AGBL1: variants seen among roughly 807,000 people sequenced by gnomAD.
AGBL1 encodes cytosolic carboxypeptidase 4.
In AGBL1, 130 loss-of-function variants were observed where a neutral mutation model predicts 118.9. That is an observed-to-expected ratio of 1.09 (90% CI 0.95 to 1.26). The LOEUF is 1.26. Ranked by LOEUF, AGBL1 falls within the 50% of genes most tolerant of loss-of-function variation. AGBL1 has a pLI of 0.00. For synonymous variants in AGBL1, 555 were observed against 478.9 expected (o/e 1.16, Z -2.08); for missense variants, 1,584 against 1,298.1 (o/e 1.22, Z -3.38).
intron 17 of AGBL1, among the ~76,000 whole-genome samples, chr15:86,328,270 C>CA (rs2080216279): frequency 2.0e-5 from 3 of 152,096 alleles, no homozygotes; most frequent in South Asian, 2.1e-4. Context: ...CCTAACTTAA[C>CA]AATTATAAAT....
rs1567219535 is a variant in AGBL1, at chr15:86,365,008, T to TAC, written c.2375-32350_2375-32349dup. 2.1e-4 allele frequency among the ~76,000 whole-genome samples: 24 copies of TAC among 116,828 alleles called. No individual in the cohort carries two copies. The South Asian group carries it at 4.3e-3, about 21-fold the overall frequency. 76.6% of individuals were successfully genotyped at this position (116,828 alleles called of 152,430 possible). On this transcript the variant is annotated intron_variant, in intron 17 of 22. Transcript: ENST00000614907. ...ATATATACACACACACATATATATA[T>TAC]ACACACACATATATATATACACACA...
At chr15:86,467,701 T>C (rs2082424934) in intron 18 of AGBL1, among the ~76,000 whole-genome samples, 1 of 152,206 alleles carries the variant, frequency 6.6e-6, no homozygotes, top group South Asian at 2.1e-4. Flanking sequence ...ACACAGTATT[T>C]CAGGGCTTCC....
At chr15:86,928,486 A>G (rs2080570329) in intron 23 of AGBL1, among the ~76,000 whole-genome samples, 1 of 152,212 alleles carries the variant, frequency 6.6e-6, no homozygotes, top group African/African-American at 2.4e-5. Flanking sequence ...CTGGTGAGCT[A>G]ATATGGACTG....
chr15:86,353,177 T>G (rs1289688913), intron 17 of AGBL1, among the ~76,000 whole-genome samples: 2 of 152,206 alleles, frequency 1.3e-5, no homozygotes, highest in Non-Finnish European at 1.5e-5. Context: ...TACCATGCTT[T>G]GCAGAAAAGC....
chr15:86,783,896 G>A (rs1236310041), intron 22 of AGBL1, among the ~76,000 whole-genome samples: 2 of 152,182 alleles, frequency 1.3e-5, no homozygotes, highest in African/African-American at 4.8e-5. Flanking sequence ...CTCCCAAAGT[G>A]CTGGGATTAC....
chr15:86,454,888 C>T (rs1267843162), intron 18 of AGBL1, among the ~76,000 whole-genome samples: 2 of 152,002 alleles, frequency 1.3e-5, no homozygotes, highest in Non-Finnish European at 2.9e-5. Context: ...TAAATTAAAC[C>T]TCAATAATGT....
At chr15:86,289,517 T>C (rs2079511308) in intron 16 of AGBL1, among the ~76,000 whole-genome samples, 1 of 152,180 alleles carries the variant, frequency 6.6e-6, no homozygotes, top group South Asian at 2.1e-4. Context: ...TAGGTAATGA[T>C]GTTTTTATGT....
Position 86,930,751 on chromosome 15 carries a change from G to C in AGBL1, c.3222-57236G>C, listed in dbSNP as rs1471130957. Among the ~76,000 whole-genome samples, 4 of 152,164 alleles carry C rather than the reference G, an allele frequency of 2.6e-5. No homozygotes were observed. The East Asian group carries it at 7.7e-4, about 29-fold the overall frequency. On this transcript the variant is annotated intron_variant, in intron 23 of 24. Transcript: ENST00000441037. ...GAGATAGATCAGGGATCCCTCTTAGGGGCCTGCCAGCCCCTGAACCATAGA... is the reference window on the plus strand; with the variant it reads ...GAGATAGATCAGGGATCCCTCTTAGCGGCCTGCCAGCCCCTGAACCATAGA...
At chr15:86,558,620 G>A (rs1480960913) in intron 21 of AGBL1, among the ~76,000 whole-genome samples, 1 of 152,102 alleles carries the variant, frequency 6.6e-6, no homozygotes, top group East Asian at 1.9e-4. Context: ...TTTCAAAAAG[G>A]CTTAGATTAT....
intron 21 of AGBL1, among the ~76,000 whole-genome samples, chr15:86,608,904 G>A (rs2084620930): frequency 6.6e-6 from 1 of 152,194 alleles, no homozygotes; most frequent in Non-Finnish European, 1.5e-5. Flanking sequence ...GGGCTTCCAA[G>A]TTGGTGATTT....
At position 86,776,832 on chromosome 15, in the gene AGBL1, T is replaced by C. The variant is rs1380879785; in HGVS notation, c.3158+102396T>C. Among the ~76,000 whole-genome samples, 7 of 151,232 alleles carry C rather than the reference T, an allele frequency of 4.6e-5. No individual in the cohort carries two copies. The East Asian group carries it at 1.2e-3, about 25-fold the overall frequency. On this transcript the variant is annotated intron_variant, in intron 22 of 22. Transcript: ENST00000614907. The stretch of plus-strand genomic sequence containing the variant: ...AAGGGGAATTTGTTAATAAAACAGG[T>C]TTTTTTAAAAAATCAACTTTTAGAC...
intron 18 of AGBL1, among the ~76,000 whole-genome samples, chr15:86,443,626 C>T (rs78558034): frequency 0.056 from 8,583 of 152,166 alleles, 296 homozygotes; most frequent in East Asian, 0.15. Context: ...TCCCAGCCTC[C>T]GGTAACTGCT....
intron 17 of AGBL1, among the ~76,000 whole-genome samples, chr15:86,373,038 C>T (rs917143975): frequency 1.1e-4 from 17 of 152,234 alleles, no homozygotes; most frequent in African/African-American, 2.2e-4. Flanking sequence ...GTTTCTGGCA[C>T]GTAATGAAAT....
At chr15:86,347,941 C>A (rs1049835786) in intron 17 of AGBL1, among the ~76,000 whole-genome samples, 1 of 152,186 alleles carries the variant, frequency 6.6e-6, no homozygotes, top group Non-Finnish European at 1.5e-5. Flanking sequence ...TACATTTCTT[C>A]TTCTTTTTTT....
chr15:86,733,755 A>G (rs1372592209), intron 22 of AGBL1, among the ~76,000 whole-genome samples: 1 of 152,106 alleles, frequency 6.6e-6, no homozygotes, highest in Non-Finnish European at 1.5e-5. Context: ...AAATTCAAAG[A>G]TCTTCTCCCA....
intron 21 of AGBL1, among the ~76,000 whole-genome samples, chr15:86,637,606 G>A (rs1484128551): frequency 6.6e-6 from 1 of 152,212 alleles, no homozygotes. Context: ...ATTGGAAGCA[G>A]AAAGCAGTAC....
At chr15:86,345,859 T>G (rs1487813562) in intron 17 of AGBL1, among the ~76,000 whole-genome samples, 1 of 152,200 alleles carries the variant, frequency 6.6e-6, no homozygotes, top group East Asian at 1.9e-4. Context: ...CATTGGCATT[T>G]TAATAGGTTG....
chr15:86,472,567 A>G (rs944301035), intron 18 of AGBL1, among the ~76,000 whole-genome samples: 5 of 152,218 alleles, frequency 3.3e-5, no homozygotes, highest in Admixed American at 6.5e-5. Flanking sequence ...TAATCTGACT[A>G]TAAATATTGC....
intron 22 of AGBL1, among the ~76,000 whole-genome samples, chr15:86,675,905 A>T (rs1053274658): frequency 2.6e-5 from 4 of 152,174 alleles, no homozygotes; most frequent in African/African-American, 9.7e-5. Flanking sequence ...GTTGCCTGCA[A>T]ACTGGAACAA....
Sources: allele counts gnomAD v4.1 joint callset (sites outside exome capture counted in the v4.1 genomes callset), GRCh38; gene constraint gnomAD v4.1.1; transcripts MANE v1.5; gene names NCBI Gene and HGNC (gene_info 2026-07-23, HGNC 2026-07-21).